The following PRKCH variants were observed in gnomAD, a reference collection of about 807,000 sequenced individuals.
The protein encoded by PRKCH is protein kinase C eta type.
Under a neutral mutation model 82.5 loss-of-function variants are expected in PRKCH, and 28 were observed. That is an observed-to-expected ratio of 0.34 (90% CI 0.25 to 0.47). The LOEUF (loss-of-function observed/expected upper bound fraction) is 0.47, where lower values mean the gene tolerates loss of function less well. PRKCH is among the 20% of genes least tolerant of loss of function. The pLI, the probability that PRKCH is intolerant of heterozygous loss-of-function variation, is 1.00. For synonymous variants in PRKCH, 322 were observed against 327.4 expected (o/e 0.98, Z 0.18); for missense variants, 705 against 881.8 (o/e 0.80, Z 2.54).
Position 61,466,168 on chromosome 14 carries a change from T to C in PRKCH, c.1278+8489T>C, listed in dbSNP as rs147567188. Among the ~76,000 whole-genome samples the C allele has an allele frequency of 1.1e-3, 160 of 152,128 alleles. 1 individual carries two copies. The highest frequency in any genetic ancestry group is 0.01 in the Middle Eastern group (3 of 294). ...TAAGCTATCAGGGACTGGATTAAGG[T>C]AGTGGAATTATGAAGGATTTTTTTC... On this transcript the variant is annotated intron_variant, in intron 9 of 13. Transcript: ENST00000332981.
At chr14:61,523,532 A>T (rs2042930643) in intron 10 of PRKCH, among the ~76,000 whole-genome samples, 1 of 152,222 alleles carries the variant, frequency 6.6e-6, no homozygotes, top group Non-Finnish European at 1.5e-5. Flanking sequence ...CTAGCTATAT[A>T]ATCTTGGGGT....
chr14:61,409,267 C>T (rs1311091918), intron 2 of PRKCH, among the ~76,000 whole-genome samples: 2 of 152,142 alleles, frequency 1.3e-5, no homozygotes, highest in Non-Finnish European at 2.9e-5. Context: ...ATCAGGAGTT[C>T]TACTCTCCAG....
chr14:61,327,988 C>T (rs1020938264), intron 1 of PRKCH, among the ~76,000 whole-genome samples: 13 of 151,544 alleles, frequency 8.6e-5, no homozygotes, highest in Non-Finnish European at 1.3e-4. Context: ...CGGTGGCTCA[C>T]GCCTGTAATC....
chr14:61,470,095 A>T (rs1885430660), intron 9 of PRKCH, among the ~76,000 whole-genome samples: 1 of 151,110 alleles, frequency 6.6e-6, no homozygotes, highest in African/African-American at 2.4e-5. Flanking sequence ...ATCTGCTTGA[A>T]GAGTCTGGGG....
intron 3 of PRKCH, among the ~76,000 whole-genome samples, chr14:61,443,849 A>G (rs577546401): frequency 1.3e-5 from 2 of 152,354 alleles, no homozygotes; most frequent in East Asian, 3.9e-4. Context: ...CTTAAGTCTC[A>G]GTCTCAGTGG....
chr14:61,310,162 A>C (rs150201633), intron 1 of PRKCH, among the ~76,000 whole-genome samples: 2 of 152,258 alleles, frequency 1.3e-5, no homozygotes, highest in South Asian at 2.1e-4. Context: ...CAAATCTCAT[A>C]TCTTTTCACA....
At chr14:61,436,673 C>T (rs140710676) in intron 2 of PRKCH, among the ~76,000 whole-genome samples, 3,103 of 152,250 alleles carry the variant, frequency 0.02, 118 homozygotes, top group African/African-American at 0.071. Context: ...GCTGGGATTA[C>T]AGGTGCCCGC....
chr14:61,238,984 T>C (rs751216397), intron 1 of PRKCH, among the ~76,000 whole-genome samples: 1 of 152,210 alleles, frequency 6.6e-6, no homozygotes, highest in Non-Finnish European at 1.5e-5. Flanking sequence ...ATGGCTTGCA[T>C]ATGAAGCATA....
chr14:61,210,664 A>T (rs1041907423), intron 1 of PRKCH, among the ~76,000 whole-genome samples: 31 of 152,106 alleles, frequency 2.0e-4, no homozygotes, highest in African/African-American at 7.2e-4. Context: ...GGATGAAGTG[A>T]CTTTCCAAGT....
chr14:61,470,796 T>C (rs961589777), intron 9 of PRKCH, among the ~76,000 whole-genome samples: 40 of 152,060 alleles, frequency 2.6e-4, no homozygotes, highest in African/African-American at 9.4e-4. Flanking sequence ...AATGATGTAA[T>C]ATATAACTCC....
At chr14:61,341,208 C>T (rs1312367814) in intron 1 of PRKCH, among the ~76,000 whole-genome samples, 1 of 152,182 alleles carries the variant, frequency 6.6e-6, no homozygotes, top group East Asian at 1.9e-4. Context: ...TTCCATCTTC[C>T]ACCTCTCCTT....
At chr14:61,271,224 A>T (rs1002695561) in intron 1 of PRKCH, among the ~76,000 whole-genome samples, 1 of 152,142 alleles carries the variant, frequency 6.6e-6, no homozygotes, top group African/African-American at 2.4e-5. Flanking sequence ...TCTCCCAGGG[A>T]TAACCACTCT....
intron 1 of PRKCH, among the ~76,000 whole-genome samples, chr14:61,342,566 AG>A (rs2045942138): frequency 6.6e-6 from 1 of 151,980 alleles, no homozygotes. Context: ...ATGGGTGTGA[AG>A]CCTTTGTTTT....
chr14:61,380,299 C>T (rs180796879), intron 1 of PRKCH, among the ~76,000 whole-genome samples: 3 of 149,446 alleles, frequency 2.0e-5, no homozygotes, highest in African/African-American at 7.2e-5. Flanking sequence ...TCAAGTGATC[C>T]TCCTGCCTTG....
intron 1 of PRKCH, among the ~76,000 whole-genome samples, chr14:61,293,213 G>A (rs2045378482): frequency 3.3e-5 from 5 of 152,230 alleles, no homozygotes. Context: ...TGCATGGACA[G>A]ATAGACCTTC....
At chr14:61,190,652 C>T (rs2044400929) in intron 1 of PRKCH, among the ~76,000 whole-genome samples, 2 of 152,214 alleles carry the variant, frequency 1.3e-5, no homozygotes, top group Admixed American at 6.5e-5. Context: ...TCTCCCACCA[C>T]CCTGCCTCTT....
intron 9 of PRKCH, among the ~76,000 whole-genome samples, chr14:61,475,411 G>C (rs1030427603): frequency 6.6e-6 from 1 of 152,150 alleles, no homozygotes; most frequent in Non-Finnish European, 1.5e-5. Flanking sequence ...TTGTTCAAAC[G>C]TTCTTCTCGA....
At chr14:61,386,968 G>C (rs2046597389) in intron 1 of PRKCH, among the ~76,000 whole-genome samples, 1 of 152,202 alleles carries the variant, frequency 6.6e-6, no homozygotes. Context: ...AGCAAGGCTT[G>C]ATCTAAGGGT....
chr14:61,394,730 G>A (rs2046746716), intron 2 of PRKCH, among the ~76,000 whole-genome samples: 1 of 152,154 alleles, frequency 6.6e-6, no homozygotes, highest in South Asian at 2.1e-4. Context: ...GAATGAAATG[G>A]TAAGTCATAC....
Sources: allele counts gnomAD v4.1 joint callset (sites outside exome capture counted in the v4.1 genomes callset), GRCh38; gene constraint gnomAD v4.1.1; transcripts MANE v1.5; gene names NCBI Gene and HGNC (gene_info 2026-07-23, HGNC 2026-07-21).